Variants in CDH15 observed in about 807,000 individuals in gnomAD.
The protein encoded by CDH15 is cadherin 15.
CDH15 carries 73 observed loss-of-function variants against 69.4 expected under a neutral mutation model. The ratio of observed to expected loss-of-function variants is 1.05; its 90% CI spans 0.87 to 1.28. CDH15 has a LOEUF of 1.28. Ranked by LOEUF, CDH15 falls within the 50% of genes most tolerant of loss-of-function variation. CDH15 has a pLI of 0.00. For synonymous variants in CDH15, 624 were observed against 507.7 expected (o/e 1.23, Z -3.08); for missense variants, 1,343 against 1,133.6 (o/e 1.18, Z -2.65).
At chr16:89,183,784 C>A in intron 4 of CDH15, 92 bp downstream of exon 4, 2 of 1,326,536 alleles carry the variant, frequency 1.5e-6, no homozygotes, top group Non-Finnish European at 2.1e-6. Flanking sequence ...TTCCAGAGGC[C>A]CCTCAGAGTC....
chr16:89,181,858 G>A (rs908419220), intron 3 of CDH15, among the ~76,000 whole-genome samples: 5 of 151,640 alleles, frequency 3.3e-5, no homozygotes, highest in Non-Finnish European at 7.4e-5. Context: ...AGAATCGCTG[G>A]AACCCGGGAG....
intron 5 of CDH15, 111 bp from the exon 6 acceptor site, chr16:89,187,318 G>GAA: frequency 7.6e-7 from 1 of 1,319,544 alleles, no homozygotes; most frequent in Non-Finnish European, 1.1e-6. Context: ...ACACCCACTG[G>GAA]GTGCTCCCGT....
intron 2 of CDH15, 110 bp from the exon 3 acceptor site, chr16:89,180,090 G>A (rs1915342247): frequency 5.0e-6 from 6 of 1,211,592 alleles, no homozygotes; most frequent in Non-Finnish European, 7.1e-6. Context: ...CCAGTCCTAG[G>A]AGACTTAGAC....
chr16:89,185,338 G>C lies in CDH15; in HGVS notation c.663+5G>C, dbSNP rs550807480. 5 of 1,596,168 alleles carry C rather than the reference G, an allele frequency of 3.1e-6. No homozygotes were observed. In the African/African-American group the frequency reaches 4.0e-5, roughly 13 times the overall value. ...CAAGTGGGGCTGGACCGCGAGGTGA[G>C]GTGGCGCCCCGGCAGCTCCACACCC... On this transcript the variant is annotated splice_donor_5th_base_variant and intron_variant, in intron 5 of 13. Coordinates refer to ENST00000289746, the MANE Select transcript of CDH15 (RefSeq NM_004933.3).
chr16:89,185,077 G>A (rs947547453), intron 4 of CDH15, 96 bp from the exon 5 acceptor site: 24 of 1,219,020 alleles, frequency 2.0e-5, no homozygotes, highest in Non-Finnish European at 2.4e-5. Flanking sequence ...TGGAACCGGG[G>A]AGCCTGTGCA....
chr16:89,179,363 C>T, intron 1 of CDH15, 53 bp from the exon 2 acceptor site: 2 of 1,605,450 alleles, frequency 1.2e-6, no homozygotes, highest in Non-Finnish European at 1.7e-6. Context: ...CTGCACGCTG[C>T]CGCCCAGGGC....
chr16:89,193,428 C>T (rs772762168), intron 11 of CDH15, 42 bp from the exon 12 acceptor site: 5 of 1,559,114 alleles, frequency 3.2e-6, no homozygotes, highest in Non-Finnish European at 4.4e-6. Flanking sequence ...CCTGAAGTCG[C>T]GCCCTGTGCC....
At chr16:89,181,948 A>G (rs1054312616) in intron 3 of CDH15, among the ~76,000 whole-genome samples, 3 of 151,456 alleles carry the variant, frequency 2.0e-5, no homozygotes, top group African/African-American at 7.3e-5. Context: ...AAAAAAAAAA[A>G]CAGAAGAAGA....
Position 89,190,370 on chromosome 16 carries a change from CCAA to C in CDH15, c.1108_1110del (p.Asn370del). ...AAGGTCCGCGTGCATGTGCAGGACA[CCAA>C]CGAGCCCCCCGTGTTCCAGGAGAAC... On this transcript the variant is annotated inframe_deletion, in exon 8 of 14. Transcript: ENST00000289746. The C allele has an allele frequency of 6.2e-6, 10 of 1,612,924 alleles. No individual in the cohort carries two copies. Among genetic ancestry groups the C allele is most frequent in the Non-Finnish European group, 8.5e-6 (10 of 1,179,964 alleles).
At chr16:89,181,619 A>G (rs1055782974) in intron 3 of CDH15, among the ~76,000 whole-genome samples, 1 of 151,784 alleles carries the variant, frequency 6.6e-6, no homozygotes, top group Non-Finnish European at 1.5e-5. Context: ...CCTAGGTGAC[A>G]GAGGAAGACC....
At chr16:89,185,151 C>A (rs1397120372) in intron 4 of CDH15, 22 bp from the exon 5 acceptor site, 5 of 1,576,502 alleles carry the variant, frequency 3.2e-6, no homozygotes, top group Non-Finnish European at 4.3e-6. Flanking sequence ...CGTTGGCCCT[C>A]ACGCCTCCCT....
At chr16:89,179,240 C>A (rs1206947071) in intron 1 of CDH15, among the ~76,000 whole-genome samples, 176 bp from the exon 2 acceptor site, 1 of 152,218 alleles carries the variant, frequency 6.6e-6, no homozygotes, top group Non-Finnish European at 1.5e-5. Context: ...CGTGCCTTTG[C>A]CCTTGTGCTA....
In CDH15 at chr16:89,171,842, C is replaced by T. The variant is rs1206355401; in HGVS notation, c.11C>T (p.Ala4Val). The change falls in exon 1 of 14, where the codon GCG (alanine) becomes GTG (valine). Residue 4 changes from alanine to valine, a missense_variant. Coordinates refer to ENST00000289746, the MANE Select transcript of CDH15 (RefSeq NM_004933.3). ...CCCGCCTCGGCCCCGATGGACGCCG[C>T]GTTCCTCCTCGTCCTCGGGCTGTTG... The part of the protein sequence containing the change: MDA[A>V]FLLVLGLLAQ... 2.6e-6 allele frequency: 4 copies of T among 1,559,268 alleles called. No homozygotes were observed. In the South Asian group the frequency reaches 4.7e-5, roughly 18 times the overall value.
At position 89,179,589 on chromosome 16, in the gene CDH15, G is replaced by C; in HGVS notation, c.201+15G>C. On this transcript the variant is annotated intron_variant, in intron 2 of 13. Transcript: ENST00000289746. ...CCCTGGTTCAGGTGAGCAGGTGGAG[G>C]GGGCAGGAGGGGAGAAAGGGGTAGG... The C allele has an allele frequency of 6.4e-7, 1 of 1,560,992 alleles. No individual in the cohort carries two copies. The highest frequency in any genetic ancestry group is 8.7e-7 in the Non-Finnish European group (1 of 1,152,112).
rs1597310950 is a variant in CDH15 at position 89,190,318 on chromosome 16, G to A, written c.1054G>A (p.Ala352Thr). Residue 352 changes from alanine to threonine, a missense_variant, in exon 8 of 14, where the codon GCC becomes ACC. Physicochemically the swap from Ala to Thr is moderately conservative, Grantham distance 58. Coordinates refer to ENST00000289746, the MANE Select transcript of CDH15 (RefSeq NM_004933.3). Reference sequence around the variant, plus strand: ...GAATGAGGCCCCGCTGCAGGCGGCTGCCCTTAGGGCTGAGCGGGGCCAGGC... The same window carrying A: ...GAATGAGGCCCCGCTGCAGGCGGCTACCCTTAGGGCTGAGCGGGGCCAGGC... The part of the protein sequence containing the change: ...VQNEAPLQAA[A>T]LRAERGQAKV... 2 of 1,612,300 alleles carry A rather than the reference G, an allele frequency of 1.2e-6. No individual in the cohort carries two copies. Among genetic ancestry groups the A allele is most frequent in the Non-Finnish European group, 1.7e-6 (2 of 1,179,768 alleles).
rs755444058 is a variant in CDH15 at position 89,191,454 on chromosome 16, G to A, written c.1357G>A (p.Val453Ile). 8.1e-6 allele frequency: 13 copies of A among 1,612,446 alleles called. No individual in the cohort carries two copies. In the East Asian group the frequency reaches 1.8e-4, roughly 22 times the overall value. ...CAAGGGCGGCTGGTACAGAGCCATC[G>A]TCCTGGCCCAGGATGACGGTGAGCG... The part of the protein sequence containing the change: ...FLKGGWYRAI[V>I]LAQDDASQPR... The change falls in exon 9 of 14, where the codon GTC becomes ATC. Residue 453 changes from valine to isoleucine, a missense_variant. Coordinates refer to ENST00000289746, the MANE Select transcript of CDH15 (RefSeq NM_004933.3).
In CDH15 at chr16:89,192,382, G is replaced by C. The variant is rs1356288604; in HGVS notation, c.1793G>C (p.Gly598Ala). ...CLPGAAALLA[G>A]GTGLSLGALV... is the part of the protein sequence containing the mutation. ...CCGGGGGCCGCAGCGCTGCTGGCGGGGGGCACAGGCCTCAGCCTGGGCGCA... is the reference window on the plus strand; with the variant it reads ...CCGGGGGCCGCAGCGCTGCTGGCGGCGGGCACAGGCCTCAGCCTGGGCGCA... The change falls in exon 11 of 14, where the codon GGG (glycine) becomes GCG (alanine). Residue 598 changes from glycine to alanine, a missense_variant. Gly to Ala is a moderately conservative substitution (Grantham distance 60, BLOSUM62 0). Transcript: ENST00000289746. 6.5e-7 allele frequency: 1 copy of C among 1,537,302 alleles called. No homozygotes were observed.
At chr16:89,189,192 G>A (rs1187394308) in intron 7 of CDH15, among the ~76,000 whole-genome samples, 1 of 125,448 alleles carries the variant, frequency 8.0e-6, no homozygotes, top group African/African-American at 3.1e-5. Context: ...GGCACACACA[G>A]ATGCCCATAC....
Position 89,191,989 on chromosome 16 carries a change from C to A in CDH15, c.1615+95C>A, listed in dbSNP as rs1024720099. The A allele has an allele frequency of 2.3e-6, 3 of 1,308,614 alleles. No individual in the cohort carries two copies. In the African/African-American group the frequency reaches 4.4e-5, roughly 19 times the overall value. 81.1% of individuals were successfully genotyped at this position (1,308,614 alleles called of 1,614,324 possible). On this transcript the variant is annotated intron_variant, in intron 10 of 13. Transcript: ENST00000289746. Reference sequence around the variant, plus strand: ...CGGGGGCAGGAGGGTGAGGGGCATGCAAACCCGTGGTCCTGCAACAGGTCC... The same window carrying A: ...CGGGGGCAGGAGGGTGAGGGGCATGAAAACCCGTGGTCCTGCAACAGGTCC...
Sources: gnomAD v4.1 joint callset for allele counts (sites outside exome capture counted in the v4.1 genomes callset) on GRCh38, gnomAD v4.1.1 for gene constraint, MANE v1.5 for transcripts, NCBI Gene and HGNC (gene_info 2026-07-23, HGNC 2026-07-21) for gene names.